Variants in PHACTR2 observed in about 807,000 individuals in gnomAD.
The protein encoded by PHACTR2 is phosphatase and actin regulator 2, also known as chromosome 6 open reading frame 56.
A neutral mutation model predicts 76.0 loss-of-function variants in PHACTR2; 30 were observed. That is an observed-to-expected ratio of 0.39 (90% CI 0.30 to 0.54). The LOEUF is 0.54. Among genes scored for constraint, PHACTR2 ranks in the 20% least tolerant of loss-of-function variants. The pLI, the probability that PHACTR2 is intolerant of heterozygous loss-of-function variation, is 0.61. For missense variants in PHACTR2, 696 were observed against 781.1 expected, an observed-to-expected ratio of 0.89 and a Z score of 1.30; for synonymous variants, 292 against 292.5, an observed-to-expected ratio of 1.00 and a Z score of 0.02.
At chr6:143,756,683 A>G (rs1411750667) in intron 4 of PHACTR2, among the ~76,000 whole-genome samples, 14 of 137,226 alleles carry the variant, frequency 1.0e-4, no homozygotes, top group African/African-American at 3.1e-4. Flanking sequence ...TGGGCGACAG[A>G]GCGAGACTCC....
At chr6:143,779,210 C>T (rs906811591) in intron 9 of PHACTR2, among the ~76,000 whole-genome samples, 3 of 152,216 alleles carry the variant, frequency 2.0e-5, no homozygotes, top group South Asian at 2.1e-4. Flanking sequence ...CTACTCAGCC[C>T]GTTTGTGTCT....
chr6:143,784,419 C>T lies in PHACTR2; in HGVS notation c.1707+1139C>T, dbSNP rs2128478344. Among the ~76,000 whole-genome samples the T allele has an allele frequency of 6.6e-6, 1 of 152,308 alleles. No individual in the cohort carries two copies. Among genetic ancestry groups the T allele is most frequent in the Admixed American group, 6.5e-5 (1 of 15,308 alleles). On this transcript the variant is annotated intron_variant, in intron 10 of 12. Transcript: ENST00000440869. The surrounding 1 kb of genome is among the most constrained non-coding windows in gnomAD (Gnocchi z 4.5). ...ATTATAAATCCTTCTAATCATTCTTCAGGCATACCTTATGCACCTAAAAAT... is the reference window on the plus strand; with the variant it reads ...ATTATAAATCCTTCTAATCATTCTTTAGGCATACCTTATGCACCTAAAAAT...
intron 10 of PHACTR2, among the ~76,000 whole-genome samples, chr6:143,786,316 C>G (rs1775556608): frequency 6.6e-6 from 1 of 152,206 alleles, no homozygotes; most frequent in African/African-American, 2.4e-5. Flanking sequence ...GCTCCAGTTC[C>G]CAACAAGTTC....
rs184552699 is a variant in PHACTR2 at position 143,580,441 on chromosome 6, T to A, written c.217+43234T>A. The stretch of plus-strand genomic sequence containing the variant: ...CGGGGCTTGCAGTGAGCCGAGATCG[T>A]GCCACTGCACTCCAGCCTGGGCGAC... On this transcript the variant is annotated intron_variant, in intron 1 of 11. Transcript: ENST00000367584. The surrounding 1 kb of genome is among the most constrained non-coding windows in gnomAD (Gnocchi z 4.2). Among the ~76,000 whole-genome samples, 1 of 152,104 alleles carries A rather than the reference T, an allele frequency of 6.6e-6. No homozygotes were observed. Among genetic ancestry groups the A allele is most frequent in the African/African-American group, 2.4e-5 (1 of 41,400 alleles).
In PHACTR2 at chr6:143,789,074, T is replaced by A; in HGVS notation, c.1845+164T>A. 1 of 542,130 alleles carries A rather than the reference T, an allele frequency of 1.8e-6. No individual in the cohort carries two copies. Among genetic ancestry groups the A allele is most frequent in the Non-Finnish European group, 3.3e-6 (1 of 307,104 alleles). 33.6% of individuals were successfully genotyped at this position (542,130 alleles called of 1,614,324 possible). A position where few individuals can be genotyped will look rare whatever the true frequency, so the allele number is the denominator to read the frequency against. ...GCCACTTAAGTGATACATTTAGTGA[T>A]ATCAATGTAGTTCTTTCAACTAAGT... On this transcript the variant is annotated intron_variant, in intron 11 of 12. Coordinates refer to ENST00000440869, the MANE Select transcript of PHACTR2 (RefSeq NM_001100164.2). This position sits in a 1 kb window ranked among gnomAD's most constrained non-coding sequence, Gnocchi z 5.1.
chr6:143,614,676 G>A (rs962653742), intron 1 of PHACTR2, among the ~76,000 whole-genome samples: 1 of 152,250 alleles, frequency 6.6e-6, no homozygotes, highest in Middle Eastern at 3.4e-3. Flanking sequence ...AAGTGTCAGT[G>A]CTTGATTGTT....
Position 143,789,002 on chromosome 6 carries a change from G to A in PHACTR2, c.1845+92G>A, listed in dbSNP as rs561463455. 21 of 1,146,368 alleles carry A rather than the reference G, an allele frequency of 1.8e-5. 1 individual carries two copies. Among genetic ancestry groups the A allele is most frequent in the South Asian group, 5.8e-5 (4 of 69,434 alleles). 71.0% of individuals were successfully genotyped at this position (1,146,368 alleles called of 1,614,324 possible). ...CCCTACTTAAGTCATCCCAGGGGAC[G>A]AGATCTTACCAAATATTACAACAGT... On this transcript the variant is annotated intron_variant, in intron 11 of 12. Coordinates refer to ENST00000440869, the MANE Select transcript of PHACTR2 (RefSeq NM_001100164.2). This position sits in a 1 kb window ranked among gnomAD's most constrained non-coding sequence, Gnocchi z 5.1.
rs1777298985 is a variant in PHACTR2 at position 143,678,290 on chromosome 6, T to C, written c.46+81T>C. 4 of 1,303,874 alleles carry C rather than the reference T, an allele frequency of 3.1e-6. No homozygotes were observed. The South Asian group carries it at 7.0e-5, about 23-fold the overall frequency. The allele number at this position is 1,303,874 out of a possible 1,614,324, so 80.8% of individuals were successfully genotyped here. A position where few individuals can be genotyped will look rare whatever the true frequency, so the allele number is the denominator to read the frequency against. The stretch of plus-strand genomic sequence containing the variant: ...GGGGCCCCGGGGCAGGCAGGGTTAG[T>C]CGTCTGGTCGGGTTCCGCTCGGACC... On this transcript the variant is annotated intron_variant, in intron 1 of 12. Transcript: ENST00000440869. This position sits in a 1 kb window ranked among gnomAD's most constrained non-coding sequence, Gnocchi z 6.2.
At chr6:143,660,518 G>T (rs1418802111) in intron 1 of PHACTR2, among the ~76,000 whole-genome samples, 1 of 152,148 alleles carries the variant, frequency 6.6e-6, no homozygotes, top group African/African-American at 2.4e-5. Context: ...GATGAGATTT[G>T]GGTGGGGACA....
intron 2 of PHACTR2, among the ~76,000 whole-genome samples, chr6:143,745,149 T>G (rs1779028532): frequency 6.6e-6 from 1 of 152,162 alleles, no homozygotes; most frequent in Non-Finnish European, 1.5e-5. Context: ...TAGATTTCTG[T>G]GCATAGATTG....
rs1351890625 is a variant in PHACTR2 at position 143,562,864 on chromosome 6, A to G, written c.217+25657A>G. The stretch of plus-strand genomic sequence containing the variant: ...GGCTTGAAAACATTCTGCTCAATGA[A>G]ATAAGCCAGACACAGATGGATAAAT... On this transcript the variant is annotated intron_variant, in intron 1 of 11. Coordinates refer to the PHACTR2 transcript ENST00000367584. The surrounding 1 kb of genome is among the most constrained non-coding windows in gnomAD (Gnocchi z 5.1). Among the ~76,000 whole-genome samples, 1 of 152,232 alleles carries G rather than the reference A, an allele frequency of 6.6e-6. No individual in the cohort carries two copies. The highest frequency in any genetic ancestry group is 6.5e-5 in the Admixed American group (1 of 15,290).
intron 1 of PHACTR2, among the ~76,000 whole-genome samples, chr6:143,655,034 G>A (rs1776824675): frequency 6.6e-6 from 1 of 151,874 alleles, no homozygotes; most frequent in Non-Finnish European, 1.5e-5. Flanking sequence ...GCACATGCCT[G>A]TAATCCCAGC....
chr6:143,732,317 A>G (rs1166165576), intron 2 of PHACTR2, among the ~76,000 whole-genome samples: 1 of 152,220 alleles, frequency 6.6e-6, no homozygotes, highest in African/African-American at 2.4e-5. Context: ...TCCCAGCTCT[A>G]CTTTCTATCT....
Position 143,581,418 on chromosome 6 carries a change from C to T in PHACTR2, c.217+44211C>T, listed in dbSNP as rs1280239192. On this transcript the variant is annotated intron_variant, in intron 1 of 11. Coordinates refer to the PHACTR2 transcript ENST00000367584. The surrounding 1 kb of genome is among the most constrained non-coding windows in gnomAD (Gnocchi z 4.5). ...TGCTGGAAGAGCACAAGGAACCCAC[C>T]AGTCAGGCATGATCTCGGAGAGGGC... Among the ~76,000 whole-genome samples the T allele has an allele frequency of 3.9e-5, 6 of 152,006 alleles. No individual in the cohort carries two copies. The highest frequency in any genetic ancestry group is 7.4e-5 in the Non-Finnish European group (5 of 67,996).
rs938131068 is a variant in PHACTR2, at chr6:143,777,702, C to T, written c.1645+319C>T. Among the ~76,000 whole-genome samples the T allele has an allele frequency of 2.0e-5, 3 of 152,088 alleles. No homozygotes were observed. Among genetic ancestry groups the T allele is most frequent in the African/African-American group, 4.8e-5 (2 of 41,404 alleles). On this transcript the variant is annotated intron_variant, in intron 9 of 12. Coordinates refer to ENST00000440869, the MANE Select transcript of PHACTR2 (RefSeq NM_001100164.2). This position sits in a 1 kb window ranked among gnomAD's most constrained non-coding sequence, Gnocchi z 4.6. The stretch of plus-strand genomic sequence containing the variant: ...TTAAATAGAAAAAGAATGCTCTAGT[C>T]TTCTCGCAAATAAATGTCAAAGAAA...
chr6:143,543,922 G>A lies in PHACTR2; in HGVS notation c.217+6715G>A, dbSNP rs1781195830. Reference sequence around the variant, plus strand: ...GACAACTGAGATTGGGACTGTCAGGGCTCAGAAAACAATACCGCAAAGCGT... The same window carrying A: ...GACAACTGAGATTGGGACTGTCAGGACTCAGAAAACAATACCGCAAAGCGT... On this transcript the variant is annotated intron_variant, in intron 1 of 11. Coordinates refer to the PHACTR2 transcript ENST00000367584. This position sits in a 1 kb window ranked among gnomAD's most constrained non-coding sequence, Gnocchi z 4.7. Among the ~76,000 whole-genome samples, 1 of 152,182 alleles carries A rather than the reference G, an allele frequency of 6.6e-6. No individual in the cohort carries two copies. Among genetic ancestry groups the A allele is most frequent in the African/African-American group, 2.4e-5 (1 of 41,428 alleles).
Position 143,753,710 on chromosome 6 carries a change from A to G in PHACTR2, c.296-44A>G. The G allele has an allele frequency of 2.0e-6, 3 of 1,468,568 alleles. No individual in the cohort carries two copies. Among genetic ancestry groups the G allele is most frequent in the Non-Finnish European group, 2.8e-6 (3 of 1,086,192 alleles). The allele number at this position is 1,468,568 out of a possible 1,614,324, so 91.0% of individuals were successfully genotyped here. On this transcript the variant is annotated intron_variant, in intron 3 of 12. Coordinates refer to ENST00000440869, the MANE Select transcript of PHACTR2 (RefSeq NM_001100164.2). The surrounding 1 kb of genome is among the most constrained non-coding windows in gnomAD (Gnocchi z 4.6). ...AGTAACTGGAAAACTTGTTTTTAAG[A>G]AAGCCAGCAAGTTAGACATCTAGGT...
In PHACTR2 at chr6:143,543,402, G is replaced by A. The variant is rs1781189308; in HGVS notation, c.217+6195G>A. Among the ~76,000 whole-genome samples, 1 of 152,174 alleles carries A rather than the reference G, an allele frequency of 6.6e-6. No homozygotes were observed. The highest frequency in any genetic ancestry group is 2.4e-5 in the African/African-American group (1 of 41,444). ...CAAAGGTTGCAAAGACATCCCTCAG[G>A]AACTCACAGTTTAGTGGGGAAAGAC... On this transcript the variant is annotated intron_variant, in intron 1 of 11. Transcript: ENST00000367584. This position sits in a 1 kb window ranked among gnomAD's most constrained non-coding sequence, Gnocchi z 4.7.
chr6:143,765,760 A>G lies in PHACTR2; in HGVS notation c.1194A>G (p.Ser398=). ...CGACGAACAGAACCACTCTCTACTC[A>G]GGCACTGGCTTAAGTGTTAACAGAG... ...EEPTNRTTLY[S]GTGLSVNREN... is the part of the protein sequence containing the mutation. Residue 398 remains serine (S), a synonymous_variant, in exon 6 of 13, where the codon TCA becomes TCG. Coordinates refer to ENST00000440869, the MANE Select transcript of PHACTR2 (RefSeq NM_001100164.2). The surrounding 1 kb of genome is among the most constrained non-coding windows in gnomAD (Gnocchi z 4.1). 1 of 1,614,148 alleles carries G rather than the reference A, an allele frequency of 6.2e-7. No homozygotes were observed. The highest frequency in any genetic ancestry group is 1.1e-5 in the South Asian group (1 of 91,086).
Sources: allele counts gnomAD v4.1 joint callset (sites outside exome capture counted in the v4.1 genomes callset), GRCh38; gene constraint gnomAD v4.1.1; non-coding constraint Gnocchi (gnomAD v3.1); transcripts MANE v1.5; gene names NCBI Gene and HGNC (gene_info 2026-07-23, HGNC 2026-07-21).